Variants in SLC26A5 observed in about 807,000 individuals in gnomAD.
SLC26A5 encodes the protein solute carrier family 26 member 5.
SLC26A5 carries 51 observed loss-of-function variants against 81.0 expected under a neutral mutation model. The ratio of observed to expected loss-of-function variants is 0.63; its 90% confidence interval spans 0.50 to 0.80. SLC26A5 has a LOEUF of 0.80. Among genes scored for constraint, SLC26A5 ranks in the 30% least tolerant of loss-of-function variants. The pLI is 0.00. For missense variants in SLC26A5, 771 were observed against 905.8 expected, an observed-to-expected ratio of 0.85 and a Z score of 1.91; for synonymous variants, 325 against 332.8, an observed-to-expected ratio of 0.98 and a Z score of 0.25.
intron 19 of SLC26A5, among the ~76,000 whole-genome samples, chr7:103,364,981 A>ATT (rs1554575489): frequency 4.3e-5 from 6 of 140,808 alleles, no homozygotes; most frequent in Non-Finnish European, 7.7e-5. Context: ...ATATATATAT[A>ATT]TATTTAGAGA....
chr7:103,388,853 G>A, intron 14 of SLC26A5, 155 bp downstream of exon 14: 1 of 660,980 alleles, frequency 1.5e-6, no homozygotes, highest in Non-Finnish European at 2.8e-6. Context: ...TGTTCATCTA[G>A]TCAACAGGCT....
intron 8 of SLC26A5, among the ~76,000 whole-genome samples, chr7:103,400,294 T>A (rs1823482582): frequency 6.6e-6 from 1 of 152,232 alleles, no homozygotes; most frequent in Non-Finnish European, 1.5e-5. Context: ...CCCGTTGTGG[T>A]TTTGATTTGC....
intron 2 of SLC26A5, among the ~76,000 whole-genome samples, chr7:103,426,640 A>G (rs1047757047): frequency 3.0e-4 from 45 of 152,270 alleles, no homozygotes; most frequent in Middle Eastern, 3.4e-3. Flanking sequence ...TAGTTCAAGG[A>G]CATTTCAACT....
chr7:103,425,989 A>G (rs1421968137), intron 2 of SLC26A5, among the ~76,000 whole-genome samples: 1 of 152,206 alleles, frequency 6.6e-6, no homozygotes, highest in Non-Finnish European at 1.5e-5. Flanking sequence ...TCACCCACCC[A>G]TCCATGTACC....
chr7:103,396,126 A>G (rs944082642), intron 9 of SLC26A5, among the ~76,000 whole-genome samples: 3 of 152,194 alleles, frequency 2.0e-5, no homozygotes, highest in Non-Finnish European at 4.4e-5. Flanking sequence ...GTGGCAGGCT[A>G]GGATTTAGGT....
At chr7:103,353,903 TTG>T in intron 19 of SLC26A5, 1 of 1,597,444 alleles carries the variant, frequency 6.3e-7, no homozygotes, top group Non-Finnish European at 8.6e-7. Flanking sequence ...ATCTCACGTA[TTG>T]TCTCTCTTCT....
chr7:103,426,192 C>T (rs1262930906), intron 2 of SLC26A5, among the ~76,000 whole-genome samples: 4 of 152,252 alleles, frequency 2.6e-5, no homozygotes, highest in Non-Finnish European at 5.9e-5. Context: ...GAGAGTTGTG[C>T]GGAGGTGGGC....
chr7:103,368,304 G>C (rs1820829429), intron 19 of SLC26A5: 1 of 360,312 alleles, frequency 2.8e-6, no homozygotes, highest in African/African-American at 2.1e-5. Flanking sequence ...TGCTTAGATG[G>C]CTTCTATCCT....
intron 8 of SLC26A5, among the ~76,000 whole-genome samples, chr7:103,403,744 C>G (rs1203499969): frequency 6.8e-6 from 1 of 147,662 alleles, no homozygotes; most frequent in Non-Finnish European, 1.5e-5. Context: ...CTTCCTCCAT[C>G]CCTTTATTTT....
intron 19 of SLC26A5, among the ~76,000 whole-genome samples, chr7:103,359,138 CTTTTTTT>C (rs35936603): frequency 4.8e-4 from 15 of 31,336 alleles, no homozygotes; most frequent in East Asian, 3.0e-3. Context: ...CCATGTCTGG[CTTTTTTT>C]TTTTTTTTTT....
chr7:103,361,876 A>G, intron 19 of SLC26A5: 1 of 1,381,810 alleles, frequency 7.2e-7, no homozygotes, highest in Non-Finnish European at 9.8e-7. Context: ...TATATTGCAC[A>G]CTCAGGATAT....
chr7:103,427,334 T>A (rs1825774974), intron 2 of SLC26A5, among the ~76,000 whole-genome samples: 1 of 152,072 alleles, frequency 6.6e-6, no homozygotes, highest in Non-Finnish European at 1.5e-5. Context: ...CACCTTGGCC[T>A]CCCAAAGTGC....
chr7:103,407,694 C>T (rs1219784451), intron 8 of SLC26A5, among the ~76,000 whole-genome samples, 157 bp downstream of exon 8: 1 of 152,060 alleles, frequency 6.6e-6, no homozygotes, highest in Non-Finnish European at 1.5e-5. Flanking sequence ...TTTCTTTTTA[C>T]TTTCTTGTCA....
chr7:103,433,255 G>A (rs1396041098), intron 2 of SLC26A5, among the ~76,000 whole-genome samples: 1 of 152,016 alleles, frequency 6.6e-6, no homozygotes, highest in African/African-American at 2.4e-5. Context: ...CTATGGCTTG[G>A]GCTGCATGTA....
rs1182603205 is a variant in SLC26A5, at chr7:103,367,938, G to A, written c.2041+8870C>T. The A allele has an allele frequency of 7.4e-6, 12 of 1,614,036 alleles. No individual in the cohort carries two copies. The highest frequency in any genetic ancestry group is 2.2e-5 in the East Asian group (1 of 44,878). On this transcript the variant is annotated intron_variant, in intron 19 of 19. Coordinates refer to the SLC26A5 transcript ENST00000339444. The surrounding 1 kb of genome is among the most constrained non-coding windows in gnomAD (Gnocchi z 6.1). ...CGTCTGCACAGAGGCTGGTATGTTTGCCATCAGAGCACGGCGAAAAATTGC... is the reference window on the plus strand; with the variant it reads ...CGTCTGCACAGAGGCTGGTATGTTTACCATCAGAGCACGGCGAAAAATTGC...
intron 8 of SLC26A5, among the ~76,000 whole-genome samples, chr7:103,399,961 A>T (rs187043207): frequency 6.6e-6 from 1 of 152,220 alleles, no homozygotes; most frequent in East Asian, 1.9e-4. Context: ...TTCTTTATCC[A>T]GTCTATCATT....
At chr7:103,423,329 T>C (rs1205305962) in intron 2 of SLC26A5, among the ~76,000 whole-genome samples, 1 of 152,050 alleles carries the variant, frequency 6.6e-6, no homozygotes, top group Non-Finnish European at 1.5e-5. Context: ...CAAAATATTG[T>C]GCAAAATAAA....
At chr7:103,393,150 G>T in intron 9 of SLC26A5, 84 bp from the exon 10 acceptor site, 1 of 1,525,388 alleles carries the variant, frequency 6.6e-7, no homozygotes, top group South Asian at 1.2e-5. Flanking sequence ...AAGCATTTTA[G>T]GGGGGCATTA....
At chr7:103,366,375 T>C (rs2116266505) in intron 19 of SLC26A5, among the ~76,000 whole-genome samples, 1 of 152,370 alleles carries the variant, frequency 6.6e-6, no homozygotes, top group Non-Finnish European at 1.5e-5. Flanking sequence ...TCAAAGCCTT[T>C]ATTTTTGTGC....
Sources: allele counts gnomAD v4.1 joint callset (sites outside exome capture counted in the v4.1 genomes callset), GRCh38; gene constraint gnomAD v4.1.1; non-coding constraint Gnocchi (gnomAD v3.1); transcripts MANE v1.5; gene names NCBI Gene and HGNC (gene_info 2026-07-23, HGNC 2026-07-21).